The following PTPRN2 variants were observed in gnomAD, a reference collection of about 807,000 sequenced individuals.
PTPRN2 encodes the protein receptor-type tyrosine-protein phosphatase N2.
Under a neutral mutation model 118.8 loss-of-function variants are expected in PTPRN2, and 74 were observed. The observed-to-expected ratio is 0.62, with a 90% CI of 0.52 to 0.76. PTPRN2 has a LOEUF of 0.76. Among genes scored for constraint, PTPRN2 ranks in the 30% least tolerant of loss-of-function variants. The pLI is 0.00. For missense variants in PTPRN2, 1,481 were observed against 1,394.4 expected, an observed-to-expected ratio of 1.06 and a Z score of -0.99; for synonymous variants, 641 against 608.0, an observed-to-expected ratio of 1.05 and a Z score of -0.80.
intron 1 of PTPRN2, among the ~76,000 whole-genome samples, chr7:158,523,035 G>T (rs1824329144): frequency 6.6e-6 from 1 of 152,188 alleles, no homozygotes; most frequent in African/African-American, 2.4e-5. Flanking sequence ...TTAGATTTAG[G>T]GATTGTCAGC....
At chr7:157,768,016 T>C (rs1272513129) in intron 12 of PTPRN2, among the ~76,000 whole-genome samples, 1 of 152,166 alleles carries the variant, frequency 6.6e-6, no homozygotes, top group Non-Finnish European at 1.5e-5. Context: ...AAAAGAGAAT[T>C]GCCACTGTGA....
At chr7:158,430,882 C>T (rs925948057) in intron 2 of PTPRN2, among the ~76,000 whole-genome samples, 1 of 152,182 alleles carries the variant, frequency 6.6e-6, no homozygotes, top group Non-Finnish European at 1.5e-5. Context: ...GGTCTCTGGA[C>T]GGAGACCCCC....
intron 11 of PTPRN2, among the ~76,000 whole-genome samples, chr7:158,070,343 G>GTGGTGGAGGTGCCCA (rs1811136123): frequency 3.6e-5 from 5 of 137,938 alleles, no homozygotes; most frequent in Non-Finnish European, 7.9e-5. Context: ...GGAGGTGCCC[G>GTGGTGGAGGTGCCCA]TGGTGGTGGA....
intron 12 of PTPRN2, among the ~76,000 whole-genome samples, chr7:157,873,182 C>T (rs1186275637): frequency 1.3e-5 from 2 of 152,214 alleles, no homozygotes; most frequent in Non-Finnish European, 1.5e-5. Flanking sequence ...CCTGCTTCCT[C>T]GCTGCTTGTG....
At chr7:158,551,445 C>T (rs1291994701) in intron 1 of PTPRN2, among the ~76,000 whole-genome samples, 1 of 151,442 alleles carries the variant, frequency 6.6e-6, no homozygotes, top group Non-Finnish European at 1.5e-5. Flanking sequence ...CTTGGGGGGC[C>T]CTGCCTAACC....
chr7:158,007,058 G>C (rs1258579577), intron 11 of PTPRN2, among the ~76,000 whole-genome samples: 1 of 152,206 alleles, frequency 6.6e-6, no homozygotes, highest in Non-Finnish European at 1.5e-5. Context: ...AGGCTGGCGG[G>C]CGGCCGTCTC....
Position 157,986,816 on chromosome 7 carries a change from G to A in PTPRN2, c.1724-88079C>T, listed in dbSNP as rs535871542. ...AGGAGACATTTTGGAGCAGGTGGTC[G>A]GTGCCCACCCACTGACAGGAGCTGC... On this transcript the variant is annotated intron_variant, in intron 11 of 22. Transcript: ENST00000389418. The surrounding 1 kb of genome is among the most constrained non-coding windows in gnomAD (Gnocchi z 4.5). Among the ~76,000 whole-genome samples, 62 of 152,222 alleles carry A rather than the reference G, an allele frequency of 4.1e-4. No individual in the cohort carries two copies. Among genetic ancestry groups the A allele is most frequent in the Non-Finnish European group, 5.9e-4 (40 of 67,990 alleles).
At chr7:158,286,351 T>C (rs1799768951) in intron 3 of PTPRN2, among the ~76,000 whole-genome samples, 1 of 152,218 alleles carries the variant, frequency 6.6e-6, no homozygotes, top group Non-Finnish European at 1.5e-5. Flanking sequence ...GTTTCTTCCT[T>C]TTGCCTAATT....
intron 4 of PTPRN2, among the ~76,000 whole-genome samples, chr7:158,199,876 CG>C (rs749990475): frequency 6.6e-6 from 1 of 152,142 alleles, no homozygotes; most frequent in Admixed American, 6.5e-5. Flanking sequence ...AAAGCCAACA[CG>C]GTTCCTTATC....
chr7:158,331,147 C>T (rs200464982), intron 2 of PTPRN2, among the ~76,000 whole-genome samples: 2,435 of 66,674 alleles, frequency 0.037, 29 homozygotes, highest in African/African-American at 0.11. Context: ...CGCCCGCAGA[C>T]GTCACTCACA....
chr7:158,146,457 C>G (rs899882599), intron 6 of PTPRN2, among the ~76,000 whole-genome samples: 3 of 152,058 alleles, frequency 2.0e-5, no homozygotes, highest in East Asian at 1.9e-4. Context: ...CTTGGTGGCT[C>G]ACACCTGTAA....
At chr7:158,173,032 CCCCA>C (rs1186626938) in intron 5 of PTPRN2, among the ~76,000 whole-genome samples, 1 of 151,688 alleles carries the variant, frequency 6.6e-6, no homozygotes, top group Non-Finnish European at 1.5e-5. Context: ...ATAGCAGGAT[CCCCA>C]CCATCATCAC....
At chr7:157,797,079 G>A (rs181264709) in intron 12 of PTPRN2, among the ~76,000 whole-genome samples, 11 of 152,324 alleles carry the variant, frequency 7.2e-5, no homozygotes, top group South Asian at 4.1e-4. Context: ...GGCCACAGCC[G>A]GGGATTCAAC....
At chr7:158,113,849 C>T (rs1175386535) in intron 9 of PTPRN2, among the ~76,000 whole-genome samples, 1 of 152,180 alleles carries the variant, frequency 6.6e-6, no homozygotes, top group African/African-American at 2.4e-5. Flanking sequence ...ACGTAGCAAT[C>T]CGGGACCAGC....
At chr7:157,877,266 G>A in intron 12 of PTPRN2, among the ~76,000 whole-genome samples, 1 of 151,324 alleles carries the variant, frequency 6.6e-6, no homozygotes, top group East Asian at 2.0e-4. Flanking sequence ...AGTTTCCTCG[G>A]GGACCCCAGA....
At chr7:158,455,309 G>A (rs1237730795) in intron 2 of PTPRN2, among the ~76,000 whole-genome samples, 1 of 2,010 alleles carries the variant, frequency 5.0e-4, no homozygotes, top group East Asian at 0.014. Flanking sequence ...CGGCACGGAC[G>A]CCATCGGCCA....
At chr7:158,075,542 C>T (rs1026455055) in intron 11 of PTPRN2, among the ~76,000 whole-genome samples, 11 of 152,158 alleles carry the variant, frequency 7.2e-5, no homozygotes, top group African/African-American at 2.2e-4. Context: ...ACTGAGCCTG[C>T]GGGGCCCACT....
At chr7:158,101,103 C>T (rs750363438) in intron 10 of PTPRN2, among the ~76,000 whole-genome samples, 1 of 152,222 alleles carries the variant, frequency 6.6e-6, no homozygotes, top group South Asian at 2.1e-4. Context: ...GGAGGCATCA[C>T]ATTACCTGAC....
intron 3 of PTPRN2, among the ~76,000 whole-genome samples, chr7:158,225,814 G>A (rs138528440): frequency 5.9e-4 from 89 of 152,060 alleles, no homozygotes; most frequent in Middle Eastern, 3.4e-3. Flanking sequence ...CTAAGATAAC[G>A]GAGTAGCATG....
Sources: allele counts gnomAD v4.1 joint callset (sites outside exome capture counted in the v4.1 genomes callset), GRCh38; gene constraint gnomAD v4.1.1; non-coding constraint Gnocchi (gnomAD v3.1); transcripts MANE v1.5; gene names NCBI Gene and HGNC (gene_info 2026-07-23, HGNC 2026-07-21).